Variants in RYR3 observed in about 807,000 individuals in gnomAD.
RYR3 encodes the protein brain ryanodine receptor-calcium release channel.
RYR3 carries 207 observed loss-of-function variants against 584.3 expected under a neutral mutation model. That is an observed-to-expected ratio of 0.35 (90% confidence interval 0.32 to 0.40). The LOEUF (loss-of-function observed/expected upper bound fraction) is 0.40, where lower values mean the gene tolerates loss of function less well. Among genes scored for constraint, RYR3 ranks in the 10% least tolerant of loss-of-function variants. The pLI, the probability that RYR3 is intolerant of heterozygous loss-of-function variation, is 1.00. For synonymous variants in RYR3, 2,416 were observed against 2,248.5 expected, an observed-to-expected ratio of 1.07 and a Z score of -2.11; for missense variants, 5,616 against 6,089.2, an observed-to-expected ratio of 0.92 and a Z score of 2.59.
At chr15:33,524,530 A>G (rs1428367878) in intron 3 of RYR3, among the ~76,000 whole-genome samples, 1 of 152,202 alleles carries the variant, frequency 6.6e-6, no homozygotes, top group Middle Eastern at 3.2e-3. Flanking sequence ...AATTGCTCCC[A>G]GAAGCAGAAT....
intron 65 of RYR3, among the ~76,000 whole-genome samples, chr15:33,782,490 T>A (rs1330915131): frequency 6.6e-6 from 1 of 152,216 alleles, no homozygotes; most frequent in African/African-American, 2.4e-5. Flanking sequence ...CCTGAGCCCA[T>A]GTCTTTCATC....
At position 33,645,143 on chromosome 15, in the gene RYR3, G is replaced by A. The variant is rs2062030386; in HGVS notation, c.3765+624G>A. ...TGTAGGACCTATTCAATTTTTTGAT[G>A]GTGTTGCCAGGATTTTAAGCTGACG... On this transcript the variant is annotated intron_variant, in intron 28 of 103. Coordinates refer to ENST00000634891, the MANE Select transcript of RYR3 (RefSeq NM_001036.6). Among the ~76,000 whole-genome samples, 5 of 152,084 alleles carry A rather than the reference G, an allele frequency of 3.3e-5. No individual in the cohort carries two copies. The South Asian group carries it at 1.0e-3, about 31-fold the overall frequency.
Position 33,842,078 on chromosome 15 carries a change from G to A in RYR3, c.13209+43G>A, listed in dbSNP as rs780978790. ...GGCCCTGTTCATGGTGCAGGGATTG[G>A]CCCAGGCAGATGGCAGAGAGGTGCC... is the stretch of plus-strand genomic sequence containing the variant. On this transcript the variant is annotated intron_variant, in intron 91 of 103. Coordinates refer to ENST00000634891, the MANE Select transcript of RYR3 (RefSeq NM_001036.6). 5 of 1,565,994 alleles carry A rather than the reference G, an allele frequency of 3.2e-6. No individual in the cohort carries two copies. In the African/African-American group the frequency reaches 5.4e-5, roughly 17 times the overall value.
intron 2 of RYR3, among the ~76,000 whole-genome samples, chr15:33,498,853 A>T (rs958168829): frequency 8.6e-5 from 13 of 151,914 alleles, no homozygotes; most frequent in African/African-American, 3.1e-4. Context: ...TGATTTTTGT[A>T]TATGGTGTGT....
At chr15:33,621,734 A>G (rs9806592) in intron 19 of RYR3, among the ~76,000 whole-genome samples, 10,098 of 152,212 alleles carry the variant, frequency 0.066, 383 homozygotes, top group African/African-American at 0.11. Flanking sequence ...TGCTTTTCAG[A>G]TAAAGTGTCT....
At position 33,788,228 on chromosome 15, in the gene RYR3, G is replaced by A. The variant is rs2074863892; in HGVS notation, c.9600G>A (p.Gln3200=). 3.1e-6 allele frequency: 5 copies of A among 1,613,930 alleles called. No homozygotes were observed. In the East Asian group the frequency reaches 1.1e-4, roughly 36 times the overall value. The change falls in exon 67 of 104, where the codon CAG becomes CAA. Residue 3200 remains glutamine (Q), a synonymous_variant. Coordinates refer to ENST00000634891, the MANE Select transcript of RYR3 (RefSeq NM_001036.6). ...SWMKRIAVYA[Q]PIISKARPDL... ...TCTTTGTAAACGCAGTGTATGCACAGCCCATCATCAGCAAAGCCAGGCCCG... is the reference window on the plus strand; with the variant it reads ...TCTTTGTAAACGCAGTGTATGCACAACCCATCATCAGCAAAGCCAGGCCCG...
chr15:33,359,574 G>C (rs1974457836), intron 1 of RYR3, among the ~76,000 whole-genome samples: 1 of 151,998 alleles, frequency 6.6e-6, no homozygotes, highest in Non-Finnish European at 1.5e-5. Flanking sequence ...AGTCTTTTTA[G>C]AGAGGCCTTC....
chr15:33,662,063 C>G, intron 34 of RYR3, 90 bp from the exon 35 acceptor site: 1 of 1,111,032 alleles, frequency 9.0e-7, no homozygotes, highest in Non-Finnish European at 1.3e-6. Flanking sequence ...AACCTTCCAC[C>G]CACCCTGCCT....
intron 1 of RYR3, among the ~76,000 whole-genome samples, chr15:33,385,705 C>CTTTTT (rs1567139235): frequency 6.6e-5 from 5 of 75,670 alleles, no homozygotes; most frequent in South Asian, 4.4e-4. Context: ...TTTTCTTTTT[C>CTTTTT]TTTTCTTTTT....
intron 67 of RYR3, among the ~76,000 whole-genome samples, chr15:33,799,688 T>C (rs1000073812): frequency 2.0e-5 from 3 of 152,174 alleles, no homozygotes; most frequent in African/African-American, 7.2e-5. Flanking sequence ...AATGAAGGGG[T>C]TGGTTATAGC....
chr15:33,397,792 T>C (rs1216735467), intron 1 of RYR3, among the ~76,000 whole-genome samples: 1 of 152,214 alleles, frequency 6.6e-6, no homozygotes, highest in Admixed American at 6.5e-5. Context: ...TTATTGCCAC[T>C]GAGAGGCTAT....
Position 33,838,922 on chromosome 15 carries a change from A to T in RYR3, c.12942A>T (p.Thr4314=). ...SEIIGKDEPP[T]LESTVQKKRK... is the part of the protein sequence containing the mutation. ...TTATTGGCAAGGATGAACCCCCTAC[A>T]TTAGAGAGTACTGTACAGAAGAAGA... is the stretch of plus-strand genomic sequence containing the variant. Residue 4314 remains threonine (T), a synonymous_variant, in exon 89 of 104, where the codon ACA becomes ACT. Transcript: ENST00000634891. The T allele has an allele frequency of 6.2e-7, 1 of 1,613,762 alleles. No individual in the cohort carries two copies. Among genetic ancestry groups the T allele is most frequent in the Non-Finnish European group, 8.5e-7 (1 of 1,179,778 alleles).
rs1420002803 is a variant in RYR3, at chr15:33,603,345, T to C, written c.2145T>C (p.Asp715=). ...VGDDLYSYGF[D]GLHLWSGRIP... ...ACGACCTGTACTCCTATGGCTTTGA[T>C]GGACTTCACCTTTGGTCAGGTGAGT... The change falls in exon 18 of 104, where the codon GAT becomes GAC. Residue 715 remains aspartate, a synonymous_variant. Transcript: ENST00000634891. 5.0e-6 allele frequency: 8 copies of C among 1,600,416 alleles called. No homozygotes were observed. The highest frequency in any genetic ancestry group is 6.8e-6 in the Non-Finnish European group (8 of 1,172,076).
At chr15:33,551,783 C>T (rs1471413311) in intron 10 of RYR3, among the ~76,000 whole-genome samples, 3 of 151,960 alleles carry the variant, frequency 2.0e-5, no homozygotes, top group African/African-American at 4.8e-5. Flanking sequence ...AAGAGGGATT[C>T]TTTAAATTCA....
At chr15:33,406,842 A>T (rs1264822752) in intron 1 of RYR3, among the ~76,000 whole-genome samples, 1 of 152,210 alleles carries the variant, frequency 6.6e-6, no homozygotes, top group Non-Finnish European at 1.5e-5. Context: ...CAAAGTTCCT[A>T]CCTGAATTGA....
Position 33,838,353 on chromosome 15 carries a change from G to A in RYR3, c.12373G>A (p.Glu4125Lys). Residue 4125 changes from glutamate to lysine, a missense_variant, in exon 89 of 104, where the codon GAA (glutamate) becomes AAA (lysine). Physicochemically the swap from Glu to Lys is moderately conservative, Grantham distance 56. Transcript: ENST00000634891. Reference sequence around the variant, plus strand: ...AGATGAAGATTCTTCTTACGTGTTAGAAATTGCGGGTGAAGAGGAAGAAGA... The same window carrying A: ...AGATGAAGATTCTTCTTACGTGTTAAAAATTGCGGGTGAAGAGGAAGAAGA... ...EEDEDSSYVL[E>K]IAGEEEEDGS... 1.2e-6 allele frequency: 2 copies of A among 1,614,008 alleles called. No individual in the cohort carries two copies. The highest frequency in any genetic ancestry group is 1.7e-6 in the Non-Finnish European group (2 of 1,179,892).
chr15:33,646,731 C>T (rs932462434), intron 29 of RYR3, among the ~76,000 whole-genome samples: 2 of 152,224 alleles, frequency 1.3e-5, no homozygotes, highest in African/African-American at 2.4e-5. Flanking sequence ...AATTAAGGCA[C>T]CAATCATGCT....
intron 72 of RYR3, 137 bp from the exon 73 acceptor site, chr15:33,812,726 A>G (rs1333296466): frequency 1.3e-6 from 1 of 750,738 alleles, no homozygotes; most frequent in African/African-American, 1.8e-5. Flanking sequence ...GTTCCAGAAG[A>G]TAATTGAGAA....
At chr15:33,461,235 C>A (rs546450483) in intron 1 of RYR3, among the ~76,000 whole-genome samples, 1 of 152,066 alleles carries the variant, frequency 6.6e-6, no homozygotes, top group Non-Finnish European at 1.5e-5. Context: ...TGAGCCACCG[C>A]GCCCGGCCTA....
Sources: allele counts gnomAD v4.1 joint callset (sites outside exome capture counted in the v4.1 genomes callset), GRCh38; gene constraint gnomAD v4.1.1; transcripts MANE v1.5; gene names NCBI Gene and HGNC (gene_info 2026-07-23, HGNC 2026-07-21).